NRXN1: variants seen among roughly 807,000 people sequenced by gnomAD.
NRXN1 encodes the protein neurexin 1.
Under a neutral mutation model 150.9 loss-of-function variants are expected in NRXN1, and 39 were observed. The ratio of observed to expected loss-of-function variants is 0.26; its 90% CI spans 0.20 to 0.34. The LOEUF is 0.34. Ranked by LOEUF, NRXN1 falls within the 10% of genes least tolerant of loss-of-function variation. The pLI is 1.00. For synonymous variants in NRXN1, 924 were observed against 757.0 expected (o/e 1.22, Z -3.62); for missense variants, 1,815 against 1,949.9 (o/e 0.93, Z 1.30).
rs551118904 is a variant in NRXN1, at chr2:50,827,596, TTTTA to T, written c.832+94269_832+94272del. On this transcript the variant is annotated intron_variant, in intron 5 of 22. Transcript: ENST00000401669. ...TGATTTCCACATCTAAAATTAATGT[TTTTA>T]TTTATTTATTTATTTAGTTTTTTAA... Among the ~76,000 whole-genome samples, 18 of 152,300 alleles carry T rather than the reference TTTTA, an allele frequency of 1.2e-4. No homozygotes were observed. In the Middle Eastern group the frequency reaches 0.017, roughly 144 times the overall value.
rs116053769 is a variant in NRXN1 at position 50,541,460 on chromosome 2, G to T, written c.1760-2824C>A. ...TTTAGACAATCATTCATTACAGTTTGTCTGACAGTAAGGATGGAGTAACTG... is the reference window on the plus strand; with the variant it reads ...TTTAGACAATCATTCATTACAGTTTTTCTGACAGTAAGGATGGAGTAACTG... On this transcript the variant is annotated intron_variant, in intron 9 of 22. Coordinates refer to ENST00000401669, the MANE Select transcript of NRXN1 (RefSeq NM_001330078.2). 6.3e-3 allele frequency among the ~76,000 whole-genome samples: 959 copies of T among 152,250 alleles called. 5 individuals carry two copies. Among genetic ancestry groups the T allele is most frequent in the African/African-American group, 0.021 (887 of 41,526 alleles).
intron 2 of NRXN1, among the ~76,000 whole-genome samples, chr2:51,021,653 T>A (rs1335817574): frequency 6.6e-6 from 1 of 151,996 alleles, no homozygotes; most frequent in Non-Finnish European, 1.5e-5. Flanking sequence ...ATATTACCTA[T>A]CTTATCTGCA....
intron 21 of NRXN1, among the ~76,000 whole-genome samples, chr2:50,049,318 A>G (rs1013401053): frequency 6.6e-6 from 1 of 152,158 alleles, no homozygotes; most frequent in Admixed American, 6.6e-5. Context: ...CCTAATTAAG[A>G]GCATCATCAC....
chr2:50,031,348 A>C (rs2152567874), intron 21 of NRXN1, among the ~76,000 whole-genome samples: 1 of 152,108 alleles, frequency 6.6e-6, no homozygotes, highest in South Asian at 2.1e-4. Flanking sequence ...TACAAATAGA[A>C]TCCAAAGAAA....
At chr2:51,008,034 T>C (rs1376738927) in intron 2 of NRXN1, among the ~76,000 whole-genome samples, 2 of 152,056 alleles carry the variant, frequency 1.3e-5, no homozygotes, top group East Asian at 1.9e-4. Flanking sequence ...AAACCTGTTT[T>C]GTATGCTGAG....
intron 17 of NRXN1, among the ~76,000 whole-genome samples, chr2:50,250,962 T>G (rs1316376344): frequency 6.6e-6 from 1 of 151,236 alleles, no homozygotes; most frequent in Admixed American, 6.6e-5. Flanking sequence ...ATGTAATAAA[T>G]TTATTACACA....
intron 18 of NRXN1, among the ~76,000 whole-genome samples, chr2:50,178,396 T>C (rs933070672): frequency 2.0e-5 from 3 of 152,038 alleles, no homozygotes; most frequent in Non-Finnish European, 4.4e-5. Context: ...GGACAGTCCA[T>C]GATAAATGTC....
At chr2:49,985,464 G>A (rs968808830) in intron 21 of NRXN1, among the ~76,000 whole-genome samples, 4 of 152,072 alleles carry the variant, frequency 2.6e-5, no homozygotes, top group Non-Finnish European at 4.4e-5. Context: ...ACGCTACTAT[G>A]TTTTATTTTG....
At chr2:50,094,504 G>T (rs1372726335) in intron 18 of NRXN1, among the ~76,000 whole-genome samples, 1 of 152,144 alleles carries the variant, frequency 6.6e-6, no homozygotes, top group Admixed American at 6.5e-5. Flanking sequence ...GACTTGGTGG[G>T]TGGCAGCGGT....
chr2:50,545,130 A>G (rs1330799190), intron 9 of NRXN1, among the ~76,000 whole-genome samples: 2 of 152,114 alleles, frequency 1.3e-5, no homozygotes, highest in East Asian at 3.9e-4. Context: ...TTGATGAGGG[A>G]ATGTATGGTA....
chr2:50,666,298 G>A (rs1039847057), intron 5 of NRXN1, among the ~76,000 whole-genome samples: 1 of 151,832 alleles, frequency 6.6e-6, no homozygotes, highest in African/African-American at 2.4e-5. Flanking sequence ...TGCAAGTTCT[G>A]GTGGTTTCCA....
At chr2:50,103,896 C>T (rs1317809493) in intron 18 of NRXN1, among the ~76,000 whole-genome samples, 2 of 150,650 alleles carry the variant, frequency 1.3e-5, no homozygotes, top group African/African-American at 2.4e-5. Context: ...CACACTTTCT[C>T]TCTTACTGCT....
chr2:50,448,517 C>T (rs999378232), intron 17 of NRXN1, among the ~76,000 whole-genome samples: 4 of 152,140 alleles, frequency 2.6e-5, no homozygotes, highest in Non-Finnish European at 5.9e-5. Context: ...CACTAGGAAA[C>T]GTGAAAGGAA....
chr2:50,442,189 T>C (rs954149900), intron 17 of NRXN1, among the ~76,000 whole-genome samples: 1 of 152,198 alleles, frequency 6.6e-6, no homozygotes, highest in Non-Finnish European at 1.5e-5. Context: ...TCTTGACCTT[T>C]GTGTGCCTTG....
At chr2:50,098,744 G>C (rs895642190) in intron 18 of NRXN1, among the ~76,000 whole-genome samples, 1 of 150,856 alleles carries the variant, frequency 6.6e-6, no homozygotes. Flanking sequence ...CAGTGTTCCA[G>C]GAAAATGTCT....
chr2:50,810,337 T>G (rs3914732), intron 5 of NRXN1, among the ~76,000 whole-genome samples: 30,082 of 152,104 alleles, frequency 0.2, 3,036 homozygotes, highest in African/African-American at 0.2. Flanking sequence ...CTACATATAC[T>G]GAGAGGAATA....
At chr2:50,745,706 A>C (rs762576571) in intron 5 of NRXN1, among the ~76,000 whole-genome samples, 43 of 152,078 alleles carry the variant, frequency 2.8e-4, no homozygotes, top group Non-Finnish European at 6.0e-4. Flanking sequence ...CCTTCCTCAC[A>C]TGGCAGCAGG....
At chr2:50,201,699 A>G (rs1474285585) in intron 18 of NRXN1, among the ~76,000 whole-genome samples, 1 of 152,232 alleles carries the variant, frequency 6.6e-6, no homozygotes, top group African/African-American at 2.4e-5. Context: ...CACACGCATT[A>G]TCCTCACTGT....
chr2:50,118,397 T>C (rs1250555660), intron 18 of NRXN1, among the ~76,000 whole-genome samples: 1 of 152,098 alleles, frequency 6.6e-6, no homozygotes, highest in Non-Finnish European at 1.5e-5. Context: ...AATCTTTAAA[T>C]AATTTGAATG....
Sources: allele counts gnomAD v4.1 joint callset (sites outside exome capture counted in the v4.1 genomes callset), GRCh38; gene constraint gnomAD v4.1.1; transcripts MANE v1.5; gene names NCBI Gene and HGNC (gene_info 2026-07-23, HGNC 2026-07-21).